The following ANKFN1 variants were observed in gnomAD, a reference collection of about 807,000 sequenced individuals.
The protein encoded by ANKFN1 is ankyrin repeat and fibronectin type III domain containing 1, also known as ankyrin repeat and fibronectin type-III domain-containing protein 1.
A neutral mutation model predicts 108.7 loss-of-function variants in ANKFN1; 74 were observed. The observed-to-expected ratio is 0.68, with a 90% CI of 0.56 to 0.83. The LOEUF is 0.83. Ranked by LOEUF, ANKFN1 falls within the 40% of genes least tolerant of loss-of-function variation. ANKFN1 has a pLI of 0.00. For missense variants in ANKFN1, 1,505 were observed against 1,382.3 expected (o/e 1.09, Z -1.41); for synonymous variants, 547 against 516.2 (o/e 1.06, Z -0.81).
chr17:56,390,707 T>A (rs2144872433), intron 8 of ANKFN1, among the ~76,000 whole-genome samples: 2 of 152,308 alleles, frequency 1.3e-5, no homozygotes, highest in Middle Eastern at 3.4e-3. Context: ...CACCAGCATC[T>A]GTTGTTTCCT....
chr17:56,413,228 T>C (rs913487885), intron 8 of ANKFN1, among the ~76,000 whole-genome samples: 8 of 152,184 alleles, frequency 5.3e-5, no homozygotes, highest in African/African-American at 1.9e-4. Context: ...TTGGCTTGAT[T>C]GTTGTTGGTA....
chr17:56,314,382 A>G (rs2045136893), intron 3 of ANKFN1, among the ~76,000 whole-genome samples: 1 of 152,242 alleles, frequency 6.6e-6, no homozygotes, highest in Non-Finnish European at 1.5e-5. Context: ...TTATACTCCA[A>G]TCAGCAACCT....
At chr17:56,223,228 G>T (rs1207428602) in intron 2 of ANKFN1, among the ~76,000 whole-genome samples, 2 of 152,270 alleles carry the variant, frequency 1.3e-5, no homozygotes, top group East Asian at 3.9e-4. Flanking sequence ...AACCTCACAT[G>T]CTGTTGATAG....
intron 1 of ANKFN1, among the ~76,000 whole-genome samples, chr17:56,159,071 A>G (rs1415127002): frequency 6.6e-6 from 1 of 150,728 alleles, no homozygotes; most frequent in Non-Finnish European, 1.5e-5. Flanking sequence ...AGAAGAAGAA[A>G]GAAGAAGAGG....
At chr17:56,156,994 G>C (rs1277094009) in intron 1 of ANKFN1, among the ~76,000 whole-genome samples, 1 of 152,140 alleles carries the variant, frequency 6.6e-6, no homozygotes, top group Non-Finnish European at 1.5e-5. Flanking sequence ...TCCCTTAATT[G>C]GCATGGCTTT....
chr17:56,057,490 T>C (rs1904899853), intron 4 of ANKFN1, among the ~76,000 whole-genome samples: 2 of 152,146 alleles, frequency 1.3e-5, no homozygotes, highest in South Asian at 4.1e-4. Context: ...ATTTCTTAAA[T>C]AGTAAGACTT....
At chr17:56,438,805 CATAGTT>C (rs1269940737) in intron 8 of ANKFN1, among the ~76,000 whole-genome samples, 1 of 152,074 alleles carries the variant, frequency 6.6e-6, no homozygotes, top group Admixed American at 6.6e-5. Context: ...TTTTAAGACT[CATAGTT>C]AGAGCCATAA....
At chr17:56,201,725 C>T (rs953770983) in intron 1 of ANKFN1, among the ~76,000 whole-genome samples, 8 of 151,696 alleles carry the variant, frequency 5.3e-5, no homozygotes, top group South Asian at 2.1e-4. Flanking sequence ...TATCTGTAAT[C>T]GTTGTGACTT....
At chr17:56,244,631 C>T (rs902260292) in intron 3 of ANKFN1, among the ~76,000 whole-genome samples, 2 of 151,988 alleles carry the variant, frequency 1.3e-5, no homozygotes, top group Non-Finnish European at 2.9e-5. Flanking sequence ...TTCATGAATC[C>T]AGGCAGGCTG....
At chr17:56,158,427 G>A (rs1021587217) in intron 1 of ANKFN1, among the ~76,000 whole-genome samples, 6 of 152,154 alleles carry the variant, frequency 3.9e-5, no homozygotes, top group African/African-American at 1.4e-4. Context: ...ATGAGGTTAC[G>A]GCCCTAGCAG....
At chr17:56,331,122 C>G (rs1174636493) in intron 4 of ANKFN1, among the ~76,000 whole-genome samples, 1 of 152,174 alleles carries the variant, frequency 6.6e-6, no homozygotes, top group East Asian at 1.9e-4. Context: ...GTTCACATCA[C>G]AGCTAGAAAA....
Position 56,406,667 on chromosome 17 carries a change from G to A in ANKFN1, c.910+31953G>A, listed in dbSNP as rs1401293806. Among the ~76,000 whole-genome samples the A allele has an allele frequency of 2.6e-5, 4 of 152,102 alleles. No homozygotes were observed. In the East Asian group the frequency reaches 7.7e-4, roughly 29 times the overall value. On this transcript the variant is annotated intron_variant, in intron 8 of 20. Coordinates refer to ENST00000682825, the MANE Select transcript of ANKFN1 (RefSeq NM_001370326.1). ...CACACATTATCCATTGCGACTCCAG[G>A]ATTAGGTCAGGTCAAATTTTATTGC...
intron 1 of ANKFN1, among the ~76,000 whole-genome samples, chr17:56,172,379 T>C (rs149435703): frequency 6.6e-6 from 1 of 152,190 alleles, no homozygotes; most frequent in African/African-American, 2.4e-5. Flanking sequence ...GCAAGCAGCA[T>C]CTTCTTCTCA....
intron 18 of ANKFN1, among the ~76,000 whole-genome samples, chr17:56,487,013 C>T (rs2145397845): frequency 6.6e-6 from 1 of 152,260 alleles, no homozygotes; most frequent in Non-Finnish European, 1.5e-5. Context: ...CTAGCAAAGA[C>T]AAAATGATAA....
At chr17:56,087,973 T>A (rs1456932640) in intron 4 of ANKFN1, among the ~76,000 whole-genome samples, 1 of 151,154 alleles carries the variant, frequency 6.6e-6, no homozygotes, top group African/African-American at 2.4e-5. Flanking sequence ...TGTGTTTGTG[T>A]GTGTGTGTCT....
At chr17:56,433,394 T>G (rs1310069063) in intron 8 of ANKFN1, among the ~76,000 whole-genome samples, 1 of 152,088 alleles carries the variant, frequency 6.6e-6, no homozygotes, top group African/African-American at 2.4e-5. Context: ...AGAAGAATAT[T>G]TCCTCAATTT....
At chr17:56,196,350 T>G (rs1913505570) in intron 1 of ANKFN1, among the ~76,000 whole-genome samples, 1 of 152,176 alleles carries the variant, frequency 6.6e-6, no homozygotes. Flanking sequence ...CTCCAGGTAC[T>G]CAGTCAAGTA....
At chr17:56,369,349 GGA>G (rs2046749537) in intron 6 of ANKFN1, among the ~76,000 whole-genome samples, 2 of 152,000 alleles carry the variant, frequency 1.3e-5, no homozygotes, top group African/African-American at 2.4e-5. Context: ...ATATAAATGT[GGA>G]GGCTATCAAC....
chr17:56,100,261 A>G (rs780913046), intron 4 of ANKFN1, among the ~76,000 whole-genome samples: 1 of 152,196 alleles, frequency 6.6e-6, no homozygotes, highest in Non-Finnish European at 1.5e-5. Context: ...TGAATCAGAT[A>G]TGGAAAATGA....
Sources: allele counts gnomAD v4.1 joint callset (sites outside exome capture counted in the v4.1 genomes callset), GRCh38; gene constraint gnomAD v4.1.1; transcripts MANE v1.5; gene names NCBI Gene and HGNC (gene_info 2026-07-23, HGNC 2026-07-21).